SDK2: variants seen among roughly 807,000 people sequenced by gnomAD.
SDK2 encodes the protein protein sidekick-2.
In SDK2, 105 loss-of-function variants were observed where a neutral mutation model predicts 253.9. The observed-to-expected ratio is 0.41, with a 90% CI of 0.35 to 0.49. SDK2 has a LOEUF of 0.49. SDK2 is among the 20% of genes least tolerant of loss of function. The probability of loss-of-function intolerance (pLI) is 0.06; values close to 1 mark genes in which losing one functional copy is unlikely to be tolerated. For missense variants in SDK2, 2,608 were observed against 3,003.0 expected, an observed-to-expected ratio of 0.87 and a Z score of 3.07; for synonymous variants, 1,249 against 1,234.9, an observed-to-expected ratio of 1.01 and a Z score of -0.24.
At position 73,379,250 on chromosome 17, in the gene SDK2, G is replaced by A. The variant is rs758724270; in HGVS notation, c.4907C>T (p.Thr1636Met). 8.4e-6 allele frequency: 13 copies of A among 1,556,390 alleles called. No individual in the cohort carries two copies. The highest frequency in any genetic ancestry group is 7.3e-5 in the East Asian group (3 of 41,272). ...APRNVVVHGA[T>M]ATQLDVTWEP... ...CCAAGTCACGTCCAGCTGTGTGGCCGTGGCGCCGTGGACGACCACGTTACG... is the reference window on the plus strand; with the variant it reads ...CCAAGTCACGTCCAGCTGTGTGGCCATGGCGCCGTGGACGACCACGTTACG... The change falls in exon 36 of 45, where the codon ACG becomes ATG. Residue 1636 changes from threonine (T) to methionine (M), a missense_variant. Around this residue, in one of 2 missense-constraint regions of SDK2, gnomAD observed 1,103 missense variants for 1,143.9 expected, o/e 0.96. Coordinates refer to ENST00000392650, the MANE Select transcript of SDK2 (RefSeq NM_001144952.2). The surrounding 1 kb of genome is among the most constrained non-coding windows in gnomAD (Gnocchi z 4.5).
rs1599520804 is a variant in SDK2 at position 73,395,175 on chromosome 17, A to G, written c.3572T>C (p.Val1191Ala). Residue 1191 changes from valine (V) to alanine (A), a missense_variant, in exon 25 of 45, where the codon GTG (valine) becomes GCG (alanine). Val to Ala is a moderately conservative substitution (Grantham distance 64). Transcript: ENST00000392650. The surrounding 1 kb of genome is among the most constrained non-coding windows in gnomAD (Gnocchi z 4.3). The part of the protein sequence containing the change: ...IGSGPWSQTV[V>A]GRTRESVPSS... ...GGTACCTGACTCCCGGGTCCTGCCC[A>G]CCACCGTCTGGCTCCAGGGCCCGCT... The G allele has an allele frequency of 1.2e-6, 2 of 1,601,296 alleles. No individual in the cohort carries two copies. Among genetic ancestry groups the G allele is most frequent in the East Asian group, 4.5e-5 (2 of 44,246 alleles).
In SDK2 at chr17:73,361,939, G is replaced by A. The variant is rs910412301; in HGVS notation, c.5306-94C>T. The A allele has an allele frequency of 3.1e-6, 4 of 1,293,374 alleles. No homozygotes were observed. The highest frequency in any genetic ancestry group is 5.0e-5 in the Admixed American group (2 of 40,168). The allele number at this position is 1,293,374 out of a possible 1,614,324, so 80.1% of individuals were successfully genotyped here. A position where few individuals can be genotyped will look rare whatever the true frequency, so the allele number is the denominator to read the frequency against. ...GGGAAGCGGCCGTGGCCTGGGCCCC[G>A]GGACCCTGGGTAGGGGCCTCACTCC... On this transcript the variant is annotated intron_variant, in intron 38 of 44. Transcript: ENST00000392650. This position sits in a 1 kb window ranked among gnomAD's most constrained non-coding sequence, Gnocchi z 4.1.
rs1414939569 is a variant in SDK2 at position 73,440,994 on chromosome 17, T to C, written c.614-71A>G. 10 of 1,184,104 alleles carry C rather than the reference T, an allele frequency of 8.4e-6. No individual in the cohort carries two copies. In the Admixed American group the frequency reaches 2.2e-4, roughly 26 times the overall value. The allele number at this position is 1,184,104 out of a possible 1,614,324, so 73.3% of individuals were successfully genotyped here. A position where few individuals can be genotyped will look rare whatever the true frequency, so the allele number is the denominator to read the frequency against. ...ATCCCTGCCCAGCCTCATTAGAGGC[T>C]GATGCCCTGGGAGGTCTTTGTCCTT... On this transcript the variant is annotated intron_variant, in intron 5 of 44. Coordinates refer to ENST00000392650, the MANE Select transcript of SDK2 (RefSeq NM_001144952.2).
intron 1 of SDK2, among the ~76,000 whole-genome samples, chr17:73,567,653 T>C (rs1489670789): frequency 1.3e-5 from 2 of 152,248 alleles, no homozygotes; most frequent in Non-Finnish European, 2.9e-5. Flanking sequence ...TGCCCAGGCC[T>C]TGGGAGCCCA....
chr17:73,567,975 T>C (rs1279660609), intron 1 of SDK2, among the ~76,000 whole-genome samples: 1 of 152,188 alleles, frequency 6.6e-6, no homozygotes, highest in African/African-American at 2.4e-5. Flanking sequence ...TCAAGGACTA[T>C]TGGAAAAAAA....
intron 30 of SDK2, among the ~76,000 whole-genome samples, chr17:73,387,490 C>T (rs1002410430): frequency 5.9e-5 from 9 of 152,150 alleles, no homozygotes; most frequent in South Asian, 2.1e-4. Flanking sequence ...TTCGGAGTGA[C>T]GCTCCACTCC....
Position 73,643,461 on chromosome 17 carries a change from C to A in SDK2, c.64+564G>T, listed in dbSNP as rs1241892599. On this transcript the variant is annotated intron_variant, in intron 1 of 44. Transcript: ENST00000392650. The surrounding 1 kb of genome is among the most constrained non-coding windows in gnomAD (Gnocchi z 6.9). ...GGCCCGCGCAGCGAAGCACCCCCAG[C>A]CCCAGCGGCTGGCCGAGCAGCCAGG... Among the ~76,000 whole-genome samples the A allele has an allele frequency of 1.3e-5, 2 of 152,150 alleles. No homozygotes were observed. The highest frequency in any genetic ancestry group is 6.5e-5 in the Admixed American group (1 of 15,286).
At chr17:73,545,295 C>T (rs917762202) in intron 1 of SDK2, among the ~76,000 whole-genome samples, 3 of 152,158 alleles carry the variant, frequency 2.0e-5, no homozygotes, top group East Asian at 1.9e-4. Flanking sequence ...CCGAGCCTGC[C>T]GCCCTGCTTC....
rs373585421 is a variant in SDK2, at chr17:73,361,697, C to G, written c.5454G>C (p.Thr1818=). The part of the protein sequence containing the change: ...YGPEIEANVT[T]GPGEGAPGPP... ...TTGCTCTCCTACCTTCTCCGGGGCC[C>G]GTGGTGACGTTGGCTTCGATCTCCG... The change falls in exon 39 of 45, where the codon ACG becomes ACC. Residue 1818 remains threonine (T), a synonymous_variant. Coordinates refer to ENST00000392650, the MANE Select transcript of SDK2 (RefSeq NM_001144952.2). This position sits in a 1 kb window ranked among gnomAD's most constrained non-coding sequence, Gnocchi z 4.1. The G allele has an allele frequency of 1.9e-6, 3 of 1,611,704 alleles. No homozygotes were observed. Among genetic ancestry groups the G allele is most frequent in the African/African-American group, 1.3e-5 (1 of 74,994 alleles).
intron 44 of SDK2, among the ~76,000 whole-genome samples, chr17:73,342,185 AC>A (rs1486328702): frequency 6.8e-6 from 1 of 146,808 alleles, no homozygotes; most frequent in Non-Finnish European, 1.5e-5. Context: ...TCACCCCTCT[AC>A]AACCCCAGCC....
intron 1 of SDK2, among the ~76,000 whole-genome samples, chr17:73,582,160 G>A (rs1213519054): frequency 1.3e-5 from 2 of 152,088 alleles, no homozygotes; most frequent in African/African-American, 2.4e-5. Flanking sequence ...ATTTGGGGGC[G>A]CTCACCACGC....
intron 1 of SDK2, chr17:73,521,192 A>G (rs1339083062): frequency 6.6e-6 from 1 of 151,748 alleles, no homozygotes; most frequent in African/African-American, 2.4e-5. Flanking sequence ...GGCGCGTGCC[A>G]CCATGCTTGG....
Position 73,361,361 on chromosome 17 carries a change from A to G in SDK2, c.5467+323T>C, listed in dbSNP as rs2062638383. Among the ~76,000 whole-genome samples, 1 of 152,182 alleles carries G rather than the reference A, an allele frequency of 6.6e-6. No individual in the cohort carries two copies. On this transcript the variant is annotated intron_variant, in intron 39 of 44. Transcript: ENST00000392650. The surrounding 1 kb of genome is among the most constrained non-coding windows in gnomAD (Gnocchi z 4.1). ...GCTGCATCCTTCCAGGACGGAAGTAAAGGAGGCCATGCAATTAGCAGGGAG... is the reference window on the plus strand; with the variant it reads ...GCTGCATCCTTCCAGGACGGAAGTAGAGGAGGCCATGCAATTAGCAGGGAG...
Position 73,611,763 on chromosome 17 carries a change from G to T in SDK2, c.64+32262C>A, listed in dbSNP as rs60798096. The stretch of plus-strand genomic sequence containing the variant: ...ACCCACTCCACGCTCCTCCTATTGG[G>T]ACCCACGTCCTTGCCAGCTTTGGAG... On this transcript the variant is annotated intron_variant, in intron 1 of 44. Transcript: ENST00000392650. Among the ~76,000 whole-genome samples the T allele has an allele frequency of 6.1e-3, 930 of 152,330 alleles. 10 individuals are homozygous for T. Among genetic ancestry groups the T allele is most frequent in the African/African-American group, 0.021 (886 of 41,568 alleles).
At chr17:73,527,910 G>A (rs1025012800) in intron 1 of SDK2, among the ~76,000 whole-genome samples, 2 of 152,190 alleles carry the variant, frequency 1.3e-5, no homozygotes, top group African/African-American at 4.8e-5. Flanking sequence ...GCTGACGATG[G>A]GGGTGGTGAG....
chr17:73,433,683 C>A (rs1208568236), intron 10 of SDK2, 49 bp downstream of exon 10: 1 of 1,407,322 alleles, frequency 7.1e-7, no homozygotes, highest in Non-Finnish European at 9.9e-7. Context: ...TCTGAAGACT[C>A]TTCTAGGCTA....
chr17:73,349,158 T>C (rs9302961), intron 43 of SDK2, among the ~76,000 whole-genome samples: 152,330 of 152,352 alleles, frequency 1, 76,154 homozygotes, highest in Middle Eastern at 1. Context: ...TTACATGTAG[T>C]AGGGCCCCGG....
At chr17:73,566,079 C>G (rs922312964) in intron 1 of SDK2, among the ~76,000 whole-genome samples, 5 of 152,182 alleles carry the variant, frequency 3.3e-5, no homozygotes, top group Non-Finnish European at 7.3e-5. Flanking sequence ...CCTTGGCCTC[C>G]CAAAGTCCTG....
At chr17:73,526,677 G>A (rs1395164315) in intron 1 of SDK2, among the ~76,000 whole-genome samples, 1 of 151,978 alleles carries the variant, frequency 6.6e-6, no homozygotes, top group East Asian at 1.9e-4. Flanking sequence ...GTTTGCATAT[G>A]TGTGTGTTTG....
Sources: allele counts gnomAD v4.1 joint callset (sites outside exome capture counted in the v4.1 genomes callset), GRCh38; gene constraint gnomAD v4.1.1; regional missense constraint gnomAD v4.1.1; non-coding constraint Gnocchi (gnomAD v3.1); transcripts MANE v1.5; gene names NCBI Gene and HGNC (gene_info 2026-07-23, HGNC 2026-07-21).